RBFOX1: variants seen among roughly 807,000 people sequenced by gnomAD.
RBFOX1 encodes RNA binding fox-1 homolog 1.
RBFOX1 carries 8 observed loss-of-function variants against 57.7 expected under a neutral mutation model. The ratio of observed to expected loss-of-function variants is 0.14; its 90% CI spans 0.08 to 0.25. RBFOX1 has a LOEUF of 0.25. Ranked by LOEUF, RBFOX1 falls within the 10% of genes least tolerant of loss-of-function variation. RBFOX1 has a pLI of 1.00. For missense variants in RBFOX1, 611 were observed against 548.5 expected, an observed-to-expected ratio of 1.11 and a Z score of -1.14; for synonymous variants, 326 against 222.4, an observed-to-expected ratio of 1.47 and a Z score of -4.15.
At chr16:5,664,192 G>A (rs1428988076) in intron 3 of RBFOX1, among the ~76,000 whole-genome samples, 1 of 152,216 alleles carries the variant, frequency 6.6e-6, no homozygotes, top group Non-Finnish European at 1.5e-5. Flanking sequence ...TTAAGGAACT[G>A]CATCTCTTGA....
chr16:7,020,494 C>G (rs2038677967), intron 3 of RBFOX1, among the ~76,000 whole-genome samples: 1 of 152,144 alleles, frequency 6.6e-6, no homozygotes, highest in Admixed American at 6.6e-5. Context: ...GCTGGGATTT[C>G]AGGCGTCAGC....
intron 4 of RBFOX1, among the ~76,000 whole-genome samples, chr16:7,303,760 G>GCT (rs145673482): frequency 0.034 from 4,811 of 139,830 alleles, 90 homozygotes; most frequent in South Asian, 0.09. Context: ...CCTCCCTCTC[G>GCT]CTCTCTCTCT....
At chr16:5,917,701 C>A (rs2058738906) in intron 4 of RBFOX1, among the ~76,000 whole-genome samples, 1 of 152,206 alleles carries the variant, frequency 6.6e-6, no homozygotes, top group Non-Finnish European at 1.5e-5. Flanking sequence ...CGTTTCTTCC[C>A]TGGATACCTG....
At chr16:5,862,142 T>C (rs1343747687) in intron 3 of RBFOX1, among the ~76,000 whole-genome samples, 2 of 152,158 alleles carry the variant, frequency 1.3e-5, no homozygotes, top group Admixed American at 1.3e-4. Context: ...CCAGAGACAG[T>C]CTGGCAAAGA....
intron 3 of RBFOX1, among the ~76,000 whole-genome samples, chr16:5,756,725 A>C (rs17138539): frequency 6.6e-6 from 1 of 152,124 alleles, no homozygotes. Context: ...GCTTATACCT[A>C]ATTCTTTGAG....
intron 4 of RBFOX1, among the ~76,000 whole-genome samples, chr16:7,147,360 T>A (rs1412998132): frequency 6.6e-6 from 1 of 151,774 alleles, no homozygotes; most frequent in Non-Finnish European, 1.5e-5. Flanking sequence ...CATCTGCAGG[T>A]CTGTTACACA....
At chr16:7,570,396 C>G (rs891345854) in intron 5 of RBFOX1, among the ~76,000 whole-genome samples, 1 of 152,170 alleles carries the variant, frequency 6.6e-6, no homozygotes, top group Admixed American at 6.5e-5. Context: ...ACTTCAACAT[C>G]TCTAATTTCT....
intron 2 of RBFOX1, among the ~76,000 whole-genome samples, chr16:5,579,796 G>T (rs2046599984): frequency 6.8e-6 from 1 of 147,266 alleles, no homozygotes; most frequent in Non-Finnish European, 1.5e-5. Flanking sequence ...GTCTCGCTCT[G>T]TTGCCTAGGC....
intron 4 of RBFOX1, among the ~76,000 whole-genome samples, chr16:7,187,587 G>C (rs897946059): frequency 6.7e-6 from 1 of 150,138 alleles, no homozygotes; most frequent in Admixed American, 6.7e-5. Context: ...TACTCGGGAG[G>C]TTGAGGCAGG....
At chr16:5,808,277 T>C (rs578037740) in intron 3 of RBFOX1, among the ~76,000 whole-genome samples, 3 of 152,360 alleles carry the variant, frequency 2.0e-5, no homozygotes, top group African/African-American at 7.2e-5. Flanking sequence ...CACTGATCTA[T>C]ATCTCTGTAT....
intron 4 of RBFOX1, among the ~76,000 whole-genome samples, chr16:7,113,268 G>A (rs2065176266): frequency 6.6e-6 from 1 of 152,170 alleles, no homozygotes; most frequent in African/African-American, 2.4e-5. Context: ...GTACCTCTGA[G>A]TCATTTTGGG....
intron 4 of RBFOX1, among the ~76,000 whole-genome samples, chr16:5,925,477 A>T (rs1682586445): frequency 6.6e-6 from 1 of 152,200 alleles, no homozygotes; most frequent in Non-Finnish European, 1.5e-5. Context: ...CAGAAAGTAG[A>T]TTAATGGTTG....
At chr16:6,090,249 T>C (rs979032293) in intron 1 of RBFOX1, 1 of 152,192 alleles carries the variant, frequency 6.6e-6, no homozygotes, top group Non-Finnish European at 1.5e-5. Flanking sequence ...CAGAATAGTC[T>C]CCCTATTTTG....
chr16:5,995,173 A>G (rs1469559982), intron 4 of RBFOX1, among the ~76,000 whole-genome samples: 1 of 152,194 alleles, frequency 6.6e-6, no homozygotes, highest in African/African-American at 2.4e-5. Context: ...ACATAATTAA[A>G]TATTCCTTAC....
chr16:6,854,210 C>A (rs1266856547), intron 3 of RBFOX1, among the ~76,000 whole-genome samples: 2 of 152,244 alleles, frequency 1.3e-5, no homozygotes, highest in Non-Finnish European at 1.5e-5. Context: ...AGCTTGCATT[C>A]ATCTTCACTG....
intron 3 of RBFOX1, among the ~76,000 whole-genome samples, chr16:6,925,585 G>A (rs1307689367): frequency 6.6e-6 from 1 of 151,838 alleles, no homozygotes; most frequent in Admixed American, 6.6e-5. Context: ...ACTAGTTGGT[G>A]GCATAGAGGA....
In RBFOX1 at chr16:7,252,695, C is replaced by CT. The variant is rs541617900; in HGVS notation, c.27+200612dup. On this transcript the variant is annotated intron_variant, in intron 4 of 15. Coordinates refer to ENST00000550418, the MANE Select transcript of RBFOX1 (RefSeq NM_018723.4). ...AGACGTAACCTTTTTCATTTACATC[C>CT]TTTTTTTTTTTTTTTAAATTTGAGT... Among the ~76,000 whole-genome samples, 1,066 of 141,438 alleles carry CT rather than the reference C, an allele frequency of 7.5e-3. 13 individuals carry two copies. Among genetic ancestry groups the CT allele is most frequent in the South Asian group, 0.044 (194 of 4,414 alleles). 92.8% of individuals were successfully genotyped at this position (141,438 alleles called of 152,430 possible). A position where few individuals can be genotyped will look rare whatever the true frequency, so the allele number is the denominator to read the frequency against.
At chr16:7,088,405 G>A (rs895058245) in intron 4 of RBFOX1, among the ~76,000 whole-genome samples, 10 of 152,078 alleles carry the variant, frequency 6.6e-5, no homozygotes, top group African/African-American at 1.7e-4. Flanking sequence ...GGAGAGTAGC[G>A]TCTTTCATTT....
At chr16:6,461,738 T>C (rs1191186984) in intron 2 of RBFOX1, among the ~76,000 whole-genome samples, 1 of 152,190 alleles carries the variant, frequency 6.6e-6, no homozygotes, top group African/African-American at 2.4e-5. Context: ...AATGGGATAA[T>C]TTTAGGTGAA....
Sources: allele counts gnomAD v4.1 joint callset (sites outside exome capture counted in the v4.1 genomes callset), GRCh38; gene constraint gnomAD v4.1.1; transcripts MANE v1.5; gene names NCBI Gene and HGNC (gene_info 2026-07-23, HGNC 2026-07-21).